WASHC2A: variants seen among roughly 807,000 people sequenced by gnomAD.
WASHC2A encodes WASH complex subunit FAM21A.
WASHC2A carries 82 observed loss-of-function variants against 140.3 expected under a neutral mutation model. The observed-to-expected ratio is 0.58, with a 90% CI of 0.49 to 0.70. WASHC2A has a LOEUF of 0.70. Among genes scored for constraint, WASHC2A ranks in the 30% least tolerant of loss-of-function variants. The pLI, the probability that WASHC2A is intolerant of heterozygous loss-of-function variation, is 0.00. For synonymous variants in WASHC2A, 340 were observed against 560.8 expected (o/e 0.61, Z 5.56); for missense variants, 985 against 1,521.8 (o/e 0.65, Z 5.87).
chr10:50,121,076 C>A (rs1172163345), intron 23 of WASHC2A, among the ~76,000 whole-genome samples: 2 of 148,810 alleles, frequency 1.3e-5, no homozygotes, highest in East Asian at 3.9e-4. Flanking sequence ...ACCCTAACAT[C>A]ATGAACAACA....
chr10:50,127,174 C>A lies in WASHC2A; in HGVS notation c.2826C>A (p.Leu942=), dbSNP rs1182024509. Residue 942 remains leucine (L), a synonymous_variant, in exon 27 of 31, where the codon CTC becomes CTA. Coordinates refer to ENST00000282633, the MANE Select transcript of WASHC2A (RefSeq NM_001005751.3). ...ATTTTACACAGGACTCATCAGGTCT[C>A]GCTCCATTTAAAACCAAAGAACCAT... is the stretch of plus-strand genomic sequence containing the variant. ...KPETPQDSSG[L]APFKTKEPST... The A allele has an allele frequency of 7.8e-5, 126 of 1,612,030 alleles. No homozygotes were observed. The East Asian group carries it at 2.6e-3, about 34-fold the overall frequency.
chr10:50,132,782 C>G, intron 30 of WASHC2A, 24 bp from the exon 31 acceptor site: 1 of 1,611,916 alleles, frequency 6.2e-7, no homozygotes, highest in Admixed American at 1.7e-5. Flanking sequence ...CTTCAGCAAC[C>G]GTTCTTCTTT....
At chr10:50,118,170 A>G in intron 22 of WASHC2A, 112 bp downstream of exon 22, 5 of 1,039,438 alleles carry the variant, frequency 4.8e-6, no homozygotes, top group Admixed American at 4.4e-5. Flanking sequence ...CCATTTGTAG[A>G]CAGATTTGAA....
intron 23 of WASHC2A, among the ~76,000 whole-genome samples, chr10:50,124,868 G>GCATATATATATATATATACACA (rs1589279679): frequency 1.5e-5 from 2 of 133,784 alleles, no homozygotes; most frequent in South Asian, 4.9e-4. Flanking sequence ...TAAAGCTTGT[G>GCATATATATATATATATACACA]CATATATATA....
intron 27 of WASHC2A, 72 bp downstream of exon 27, chr10:50,127,294 G>A: frequency 6.2e-7 from 1 of 1,611,434 alleles, no homozygotes; most frequent in South Asian, 1.1e-5. Flanking sequence ...TCCTACTTTT[G>A]TCAGCTGCTG....
intron 19 of WASHC2A, among the ~76,000 whole-genome samples, chr10:50,108,889 GAAAAAAAA>G (rs1182148936): frequency 6.6e-5 from 5 of 75,644 alleles, no homozygotes; most frequent in African/African-American, 2.6e-4. Flanking sequence ...CTCGAAAAAG[GAAAAAAAA>G]AAAAAAAAAA....
rs1288103800 is a variant in WASHC2A at position 50,133,167 on chromosome 10, A to G, written c.*222A>G. ...CAGTGGTTGGTTTGTTTTGTTTTTA[A>G]ACCACAGTTTGATTTAGTTAGCCTT... is the stretch of plus-strand genomic sequence containing the variant. On this transcript the variant is annotated 3_prime_UTR_variant, in exon 31 of 31. Transcript: ENST00000282633. 1.5e-6 allele frequency: 1 copy of G among 657,648 alleles called. No homozygotes were observed. The highest frequency in any genetic ancestry group is 1.8e-5 in the African/African-American group (1 of 54,620). 40.7% of individuals were successfully genotyped at this position (657,648 alleles called of 1,614,324 possible). A position where few individuals can be genotyped will look rare whatever the true frequency, so the allele number is the denominator to read the frequency against.
chr10:50,110,892 C>CAAAAA (rs1239943523), intron 20 of WASHC2A, among the ~76,000 whole-genome samples: 3 of 69,718 alleles, frequency 4.3e-5, no homozygotes, highest in African/African-American at 1.1e-4. Flanking sequence ...GACTCCATCT[C>CAAAAA]AAAAAAAAAA....
intron 20 of WASHC2A, among the ~76,000 whole-genome samples, chr10:50,112,930 G>T (rs1218882654): frequency 6.7e-6 from 1 of 150,180 alleles, no homozygotes; most frequent in Middle Eastern, 3.4e-3. Flanking sequence ...TAGGCATGGC[G>T]GTTCTTTTTG....
chr10:50,115,783 T>C (rs1486190674), intron 21 of WASHC2A, among the ~76,000 whole-genome samples: 11 of 150,074 alleles, frequency 7.3e-5, no homozygotes, highest in Admixed American at 1.3e-4. Flanking sequence ...AGACAATTTT[T>C]TTTTCTTCAG....
intron 17 of WASHC2A, among the ~76,000 whole-genome samples, chr10:50,102,575 G>A (rs1344021633): frequency 2.0e-4 from 31 of 151,534 alleles, no homozygotes; most frequent in African/African-American, 6.3e-4. Flanking sequence ...GGACTCCGGG[G>A]AGCACAGGGG....
intron 4 of WASHC2A, among the ~76,000 whole-genome samples, chr10:50,080,219 A>G (rs1838774432): frequency 1.3e-5 from 2 of 152,306 alleles, no homozygotes; most frequent in South Asian, 4.1e-4. Flanking sequence ...TGTAGGGTAT[A>G]CACAGAATAG....
chr10:50,105,994 A>T (rs1589239116), intron 18 of WASHC2A, among the ~76,000 whole-genome samples: 1 of 152,244 alleles, frequency 6.6e-6, no homozygotes, highest in Non-Finnish European at 1.5e-5. Context: ...TGCCCATTGC[A>T]GGCTGTAACC....
intron 8 of WASHC2A, among the ~76,000 whole-genome samples, chr10:50,089,649 G>A: frequency 6.6e-6 from 1 of 152,168 alleles, no homozygotes; most frequent in Non-Finnish European, 1.5e-5. Flanking sequence ...CAGAGGGGGC[G>A]GGGCGTGGTA....
intron 30 of WASHC2A, among the ~76,000 whole-genome samples, chr10:50,131,367 C>T (rs879705087): frequency 0.014 from 2,166 of 152,292 alleles, 53 homozygotes; most frequent in African/African-American, 0.047. Context: ...TGACACACCC[C>T]GGTGTTATGA....
rs1843748197 is a variant in WASHC2A at position 50,129,502 on chromosome 10, G to A, written c.3171G>A (p.Glu1057=). The change falls in exon 29 of 31, where the codon GAG becomes GAA. Residue 1057 remains glutamate, a synonymous_variant. Coordinates refer to ENST00000282633, the MANE Select transcript of WASHC2A (RefSeq NM_001005751.3). ...CTGCTCAGGAGTCCAGCGAGACTGA[G>A]GACATGAGCGTCCCCAGAGGACCCA... is the stretch of plus-strand genomic sequence containing the variant. ...RLAAQESSET[E]DMSVPRGPIA... is the part of the protein sequence containing the mutation. The A allele has an allele frequency of 6.2e-7, 1 of 1,611,940 alleles. No homozygotes were observed. The highest frequency in any genetic ancestry group is 8.5e-7 in the Non-Finnish European group (1 of 1,179,878).
At position 50,104,064 on chromosome 10, in the gene WASHC2A, C is replaced by T. The variant is rs782431454; in HGVS notation, c.1658C>T (p.Ala553Val). 2.6e-6 allele frequency: 4 copies of T among 1,510,686 alleles called. No homozygotes were observed. The highest frequency in any genetic ancestry group is 2.7e-6 in the Non-Finnish European group (3 of 1,094,758). 93.6% of individuals were successfully genotyped at this position (1,510,686 alleles called of 1,614,324 possible). The change falls in exon 18 of 31, where the codon GCG becomes GTG. Residue 553 changes from alanine (A) to valine (V), a missense_variant. Ala to Val is a moderately conservative substitution (Grantham distance 64). Transcript: ENST00000282633. ...DSEDLFSSQS[A>V]SKLKGASLLP... Reference sequence around the variant, plus strand: ...CAGGATTTGTTTTCTTCTCAAAGTGCGAGTAAGTTAAAAGGTGCGTCTCTG... The same window carrying T: ...CAGGATTTGTTTTCTTCTCAAAGTGTGAGTAAGTTAAAAGGTGCGTCTCTG...
chr10:50,122,978 T>C (rs1843125863), intron 23 of WASHC2A, among the ~76,000 whole-genome samples: 1 of 86,662 alleles, frequency 1.2e-5, no homozygotes, highest in Admixed American at 1.4e-4. Context: ...CTGAAGAAGA[T>C]AGACAAATGG....
chr10:50,107,621 A>AT (rs2132823866), intron 19 of WASHC2A, among the ~76,000 whole-genome samples: 1 of 151,900 alleles, frequency 6.6e-6, no homozygotes, highest in East Asian at 1.9e-4. Context: ...GCAAAAAAAA[A>AT]TGTATTAAAA....
Sources: gnomAD v4.1 joint callset for allele counts (sites outside exome capture counted in the v4.1 genomes callset) on GRCh38, gnomAD v4.1.1 for gene constraint, MANE v1.5 for transcripts, NCBI Gene and HGNC (gene_info 2026-07-23, HGNC 2026-07-21) for gene names.